Variants in EFCAB6 observed in about 807,000 individuals in gnomAD.
The protein encoded by EFCAB6 is EF-hand calcium-binding domain-containing protein 6.
A neutral mutation model predicts 169.8 loss-of-function variants in EFCAB6; 156 were observed. The ratio of observed to expected loss-of-function variants is 0.92; its 90% CI spans 0.81 to 1.05. The LOEUF (loss-of-function observed/expected upper bound fraction) is 1.05, where lower values mean the gene tolerates loss of function less well. EFCAB6 is among the 50% of genes least tolerant of loss of function. EFCAB6 has a pLI of 0.00. For missense variants in EFCAB6, 1,800 were observed against 1,829.1 expected, an observed-to-expected ratio of 0.98 and a Z score of 0.29; for synonymous variants, 698 against 676.4, an observed-to-expected ratio of 1.03 and a Z score of -0.50.
At chr22:43,636,725 C>T (rs1164687574) in intron 17 of EFCAB6, among the ~76,000 whole-genome samples, 6 of 151,604 alleles carry the variant, frequency 4.0e-5, no homozygotes, top group Admixed American at 6.6e-5. Context: ...ATTCTCCTGC[C>T]TCAGCCTCCC....
chr22:43,629,694 G>A (rs1267526111), intron 19 of EFCAB6, among the ~76,000 whole-genome samples: 1 of 152,174 alleles, frequency 6.6e-6, no homozygotes, highest in African/African-American at 2.4e-5. Flanking sequence ...TGAAGGGCTT[G>A]AGAAGGACAG....
rs767811535 is a variant in EFCAB6, at chr22:43,576,505, GA to G, written c.3229-18del. On this transcript the variant is annotated intron_variant, in intron 25 of 31. Coordinates refer to ENST00000262726, the MANE Select transcript of EFCAB6 (RefSeq NM_022785.4). ...AGAAAATGCCTAAAAAGAAAGAAAA[GA>G]AAAAAAGATGGCAAATCCTGTCAAA... 5.1e-5 allele frequency: 77 copies of G among 1,504,882 alleles called. No individual in the cohort carries two copies. The highest frequency in any genetic ancestry group is 5.9e-5 in the Non-Finnish European group (67 of 1,135,086). 93.2% of individuals were successfully genotyped at this position (1,504,882 alleles called of 1,614,324 possible).
chr22:43,758,912 C>T (rs2061051704), intron 5 of EFCAB6, among the ~76,000 whole-genome samples: 1 of 152,132 alleles, frequency 6.6e-6, no homozygotes, highest in African/African-American at 2.4e-5. Context: ...AGATGTTTTG[C>T]AACAGGCTTT....
intron 20 of EFCAB6, among the ~76,000 whole-genome samples, chr22:43,622,540 C>T (rs755979112): frequency 3.9e-5 from 6 of 151,946 alleles, no homozygotes; most frequent in Admixed American, 2.0e-4. Flanking sequence ...CACTCCAGCC[C>T]GGGTGACAAG....
At chr22:43,633,993 G>A (rs2055184693) in intron 18 of EFCAB6, among the ~76,000 whole-genome samples, 1 of 152,160 alleles carries the variant, frequency 6.6e-6, no homozygotes, top group Admixed American at 6.5e-5. Context: ...GGGGCAAGGA[G>A]GAGACGGGCA....
intron 20 of EFCAB6, among the ~76,000 whole-genome samples, chr22:43,616,620 G>A (rs1030876231): frequency 4.6e-5 from 7 of 151,658 alleles, no homozygotes; most frequent in South Asian, 2.1e-4. Context: ...GCTGAGATTC[G>A]TGCCATTGCA....
chr22:43,566,580 T>C lies in EFCAB6; in HGVS notation c.3420+9717A>G, dbSNP rs1467011765. ...TATAGACAAAGTAAGTGGGGCTCAGTTCCAAGCTCCTGCCAGCAGGTGCTG... is the reference window on the plus strand; with the variant it reads ...TATAGACAAAGTAAGTGGGGCTCAGCTCCAAGCTCCTGCCAGCAGGTGCTG... On this transcript the variant is annotated intron_variant, in intron 26 of 31. Transcript: ENST00000262726. 2.6e-5 allele frequency among the ~76,000 whole-genome samples: 4 copies of C among 152,180 alleles called. No individual in the cohort carries two copies. In the East Asian group the frequency reaches 7.7e-4, roughly 29 times the overall value.
At chr22:43,743,214 T>C (rs1239589922) in intron 6 of EFCAB6, among the ~76,000 whole-genome samples, 4 of 152,204 alleles carry the variant, frequency 2.6e-5, no homozygotes, top group Non-Finnish European at 5.9e-5. Context: ...GCAGAGACTG[T>C]CTGACCTTTA....
chr22:43,642,889 G>C (rs1209768793), intron 17 of EFCAB6, among the ~76,000 whole-genome samples: 1 of 152,158 alleles, frequency 6.6e-6, no homozygotes, highest in Non-Finnish European at 1.5e-5. Flanking sequence ...TTAACCAACA[G>C]GAATACTGTG....
intron 19 of EFCAB6, among the ~76,000 whole-genome samples, chr22:43,631,256 C>T (rs558363815): frequency 2.6e-5 from 4 of 152,012 alleles, no homozygotes; most frequent in South Asian, 2.1e-4. Context: ...TCTCGGGGTT[C>T]GCCTTATTGA....
chr22:43,602,824 A>G (rs2052619728), intron 22 of EFCAB6, among the ~76,000 whole-genome samples: 1 of 151,918 alleles, frequency 6.6e-6, no homozygotes, highest in Non-Finnish European at 1.5e-5. Context: ...TGAGGACCCG[A>G]CGGGTTAGTG....
At chr22:43,672,528 CT>C (rs1256306593) in intron 13 of EFCAB6, among the ~76,000 whole-genome samples, 4 of 152,156 alleles carry the variant, frequency 2.6e-5, no homozygotes, top group African/African-American at 7.2e-5. Flanking sequence ...GAGATCATGT[CT>C]TTTGCAGGGA....
intron 20 of EFCAB6, among the ~76,000 whole-genome samples, chr22:43,624,632 CT>C (rs1181898271): frequency 6.6e-6 from 1 of 152,224 alleles, no homozygotes; most frequent in Non-Finnish European, 1.5e-5. Flanking sequence ...TCAAACGTCC[CT>C]CCTTTTCCTG....
At chr22:43,729,381 G>A (rs1482722939) in intron 8 of EFCAB6, among the ~76,000 whole-genome samples, 4 of 152,138 alleles carry the variant, frequency 2.6e-5, no homozygotes, top group African/African-American at 9.7e-5. Flanking sequence ...ACAGGCGTGA[G>A]CCACCATGCC....
chr22:43,639,181 A>G (rs1044439397), intron 17 of EFCAB6, among the ~76,000 whole-genome samples: 1 of 152,240 alleles, frequency 6.6e-6, no homozygotes, highest in African/African-American at 2.4e-5. Flanking sequence ...ATGAAGAAAA[A>G]TAACAGCCTT....
chr22:43,674,029 G>A (rs562409385), intron 13 of EFCAB6, among the ~76,000 whole-genome samples: 4 of 150,666 alleles, frequency 2.7e-5, no homozygotes, highest in Non-Finnish European at 4.4e-5. Context: ...ACAATCTACA[G>A]AAGTGTGTGT....
In EFCAB6 at chr22:43,782,226, T is replaced by G; in HGVS notation, c.93A>C (p.Arg31Ser). ...TTGGGGAACCATTCCTTGAATATAC[T>G]CTACACGGTGAAGAATGGGGTCTTG... ...THSRPHSSPC[R>S]VYSRNGSPNK... is the part of the protein sequence containing the mutation. The change falls in exon 3 of 32, where the codon AGA becomes AGC. Residue 31 changes from arginine (R) to serine (S), a missense_variant. Arg to Ser is a moderately radical substitution (Grantham distance 110). Transcript: ENST00000262726. 6.2e-7 allele frequency: 1 copy of G among 1,614,094 alleles called. No homozygotes were observed. The highest frequency in any genetic ancestry group is 8.5e-7 in the Non-Finnish European group (1 of 1,179,962).
At chr22:43,613,300 T>C (rs1333241546) in intron 21 of EFCAB6, among the ~76,000 whole-genome samples, 6 of 151,624 alleles carry the variant, frequency 4.0e-5, no homozygotes, top group African/African-American at 1.5e-4. Flanking sequence ...AATATAAAGA[T>C]ACATGCACGG....
intron 10 of EFCAB6, among the ~76,000 whole-genome samples, chr22:43,690,217 G>A (rs949071373): frequency 6.6e-6 from 1 of 151,850 alleles, no homozygotes; most frequent in Admixed American, 6.6e-5. Flanking sequence ...ATGTAAATCC[G>A]GGCTGGGCGC....
Sources: allele counts gnomAD v4.1 joint callset (sites outside exome capture counted in the v4.1 genomes callset), GRCh38; gene constraint gnomAD v4.1.1; transcripts MANE v1.5; gene names NCBI Gene and HGNC (gene_info 2026-07-23, HGNC 2026-07-21).